Variants in HCN1 observed in about 807,000 individuals in gnomAD.
HCN1 encodes hyperpolarization activated cyclic nucleotide gated potassium channel 1, also known as potassium/sodium hyperpolarization-activated cyclic nucleotide-gated channel 1.
HCN1 carries 13 observed loss-of-function variants against 78.9 expected under a neutral mutation model. The ratio of observed to expected loss-of-function variants is 0.16; its 90% CI spans 0.11 to 0.26. The LOEUF is 0.26. Among genes scored for constraint, HCN1 ranks in the 10% least tolerant of loss-of-function variants. The pLI, the probability that HCN1 is intolerant of heterozygous loss-of-function variation, is 1.00. For missense variants in HCN1, 810 were observed against 1,154.3 expected, an observed-to-expected ratio of 0.70 and a Z score of 4.32; for synonymous variants, 552 against 455.5, an observed-to-expected ratio of 1.21 and a Z score of -2.70.
At chr5:45,321,274 G>C (rs1176312246) in intron 5 of HCN1, among the ~76,000 whole-genome samples, 1 of 151,808 alleles carries the variant, frequency 6.6e-6, no homozygotes, top group Non-Finnish European at 1.5e-5. Context: ...TAGGTAGTTC[G>C]CATATTATAT....
Position 45,525,027 on chromosome 5 carries a change from G to A in HCN1, c.850-63020C>T, listed in dbSNP as rs1337355835. ...AATAGCTCTTATTATTTTGAGATAC[G>A]TCCCATCAATACCTAATTTATTGAG... On this transcript the variant is annotated intron_variant, in intron 2 of 7. Coordinates refer to ENST00000303230, the MANE Select transcript of HCN1 (RefSeq NM_021072.4). Among the ~76,000 whole-genome samples, 10 of 152,144 alleles carry A rather than the reference G, an allele frequency of 6.6e-5. No individual in the cohort carries two copies. The East Asian group carries it at 1.7e-3, about 27-fold the overall frequency.
chr5:45,368,542 A>G (rs1322123260), intron 4 of HCN1, among the ~76,000 whole-genome samples: 1 of 151,846 alleles, frequency 6.6e-6, no homozygotes, highest in African/African-American at 2.4e-5. Context: ...ATGGCTTTAG[A>G]CTCTATATAT....
chr5:45,331,267 T>C lies in HCN1; in HGVS notation c.1377+21833A>G, dbSNP rs1746338930. Among the ~76,000 whole-genome samples, 3 of 151,190 alleles carry C rather than the reference T, an allele frequency of 2.0e-5. 1 individual carries two copies. Among genetic ancestry groups the C allele is most frequent in the South Asian group, 4.1e-4 (2 of 4,826 alleles). ...TAAAAATAATATTATTGAACAGTTATTTCACACTGGGTTCTTAAGTGTTTT... is the reference window on the plus strand; with the variant it reads ...TAAAAATAATATTATTGAACAGTTACTTCACACTGGGTTCTTAAGTGTTTT... On this transcript the variant is annotated intron_variant, in intron 5 of 7. Coordinates refer to ENST00000303230, the MANE Select transcript of HCN1 (RefSeq NM_021072.4).
intron 2 of HCN1, among the ~76,000 whole-genome samples, chr5:45,613,207 A>C (rs1485194877): frequency 7.7e-6 from 1 of 129,404 alleles, no homozygotes; most frequent in African/African-American, 3.0e-5. Flanking sequence ...TCCTGTGTCC[A>C]TGTGATCTCA....
At chr5:45,695,558 C>CCCCCCCCCGCGCG in intron 1 of HCN1, 111 bp downstream of exon 1, 1 of 1,110,136 alleles carries the variant, frequency 9.0e-7, no homozygotes, top group Non-Finnish European at 1.3e-6. Context: ...GCCGGCAGCG[C>CCCCCCCCCGCGCG]CACCCCCCGC....
intron 2 of HCN1, among the ~76,000 whole-genome samples, chr5:45,545,712 C>T (rs1465167931): frequency 6.6e-6 from 1 of 152,122 alleles, no homozygotes; most frequent in Non-Finnish European, 1.5e-5. Context: ...GGAATCTTTT[C>T]CCCATTTCTT....
intron 2 of HCN1, among the ~76,000 whole-genome samples, chr5:45,492,299 T>C (rs1322856179): frequency 8.1e-6 from 1 of 124,090 alleles, no homozygotes; most frequent in Non-Finnish European, 1.9e-5. Context: ...TCTGTGTATG[T>C]GTGTGTGTGT....
At chr5:45,299,112 A>C (rs1745556005) in intron 6 of HCN1, among the ~76,000 whole-genome samples, 1 of 152,042 alleles carries the variant, frequency 6.6e-6, no homozygotes, top group South Asian at 2.1e-4. Context: ...TTAATGATTA[A>C]AAGTAGCCAA....
intron 3 of HCN1, 123 bp from the exon 4 acceptor site, chr5:45,396,833 C>A: frequency 1.3e-6 from 1 of 761,288 alleles, no homozygotes; most frequent in South Asian, 1.4e-5. Context: ...TACAATGGAG[C>A]ATTTACAAAT....
intron 2 of HCN1, chr5:45,644,216 T>C (rs1745504230): frequency 6.6e-6 from 1 of 152,178 alleles, no homozygotes; most frequent in Non-Finnish European, 1.5e-5. Context: ...GAAAGCAATA[T>C]TCTATAGCCA....
chr5:45,278,079 C>G (rs182366521), intron 6 of HCN1, among the ~76,000 whole-genome samples: 1 of 152,212 alleles, frequency 6.6e-6, no homozygotes. Flanking sequence ...TTACAATGCA[C>G]TCTATCATCA....
chr5:45,650,993 G>T (rs1029561049), intron 1 of HCN1, among the ~76,000 whole-genome samples: 4 of 151,812 alleles, frequency 2.6e-5, no homozygotes, highest in African/African-American at 9.7e-5. Flanking sequence ...ACTACTAAAG[G>T]TGCTTGTATT....
intron 2 of HCN1, among the ~76,000 whole-genome samples, chr5:45,627,872 A>C (rs73103080): frequency 6.1e-4 from 93 of 152,350 alleles, no homozygotes; most frequent in African/African-American, 2.0e-3. Flanking sequence ...ACATAATCAT[A>C]AATGTGGCAT....
Position 45,308,157 on chromosome 5 carries a change from C to T in HCN1, c.1378-4318G>A, listed in dbSNP as rs145416518. Among the ~76,000 whole-genome samples, 3 of 152,138 alleles carry T rather than the reference C, an allele frequency of 2.0e-5. No homozygotes were observed. The East Asian group carries it at 5.8e-4, about 30-fold the overall frequency. ...TGGCACCTACTTTCTCTCTCATGTC[C>T]TCTCTCATCATGTGACATGCAGGCT... On this transcript the variant is annotated intron_variant, in intron 5 of 7. Transcript: ENST00000303230.
chr5:45,288,907 G>T (rs1041846758), intron 6 of HCN1, among the ~76,000 whole-genome samples: 1 of 152,000 alleles, frequency 6.6e-6, no homozygotes, highest in African/African-American at 2.4e-5. Context: ...GAGCAAGCTA[G>T]AGACAGAGTT....
chr5:45,541,882 CTT>C (rs1743113435), intron 2 of HCN1, among the ~76,000 whole-genome samples: 1 of 152,026 alleles, frequency 6.6e-6, no homozygotes, highest in South Asian at 2.1e-4. Context: ...TAATGAATAA[CTT>C]TAAATCTTTC....
chr5:45,654,796 T>A (rs931561648), intron 1 of HCN1, among the ~76,000 whole-genome samples: 4 of 152,158 alleles, frequency 2.6e-5, no homozygotes, highest in Admixed American at 6.5e-5. Context: ...AGTGATTGAA[T>A]TATTTTCTGT....
At chr5:45,549,227 C>T (rs533035071) in intron 2 of HCN1, among the ~76,000 whole-genome samples, 7 of 152,176 alleles carry the variant, frequency 4.6e-5, no homozygotes, top group East Asian at 3.9e-4. Flanking sequence ...GGAGGCATCA[C>T]GCTACCTGAC....
chr5:45,407,225 C>T (rs747668434), intron 3 of HCN1, among the ~76,000 whole-genome samples: 6 of 152,112 alleles, frequency 3.9e-5, no homozygotes, highest in Non-Finnish European at 7.3e-5. Context: ...AGAAAAATTC[C>T]TATCTCCTAG....
Sources: allele counts gnomAD v4.1 joint callset (sites outside exome capture counted in the v4.1 genomes callset), GRCh38; gene constraint gnomAD v4.1.1; transcripts MANE v1.5; gene names NCBI Gene and HGNC (gene_info 2026-07-23, HGNC 2026-07-21).